Variants in SOS1 observed in about 807,000 individuals in gnomAD.
SOS1 encodes SOS Ras/Rac guanine nucleotide exchange factor 1, also known as son of sevenless homolog 1.
Under a neutral mutation model 157.6 loss-of-function variants are expected in SOS1, and 25 were observed. The observed-to-expected ratio is 0.16, with a 90% CI of 0.12 to 0.22. SOS1 has a LOEUF of 0.22. Among genes scored for constraint, SOS1 ranks in the 10% least tolerant of loss-of-function variants. The pLI, the probability that SOS1 is intolerant of heterozygous loss-of-function variation, is 1.00. For missense variants in SOS1, 1,237 were observed against 1,599.1 expected, an observed-to-expected ratio of 0.77 and a Z score of 3.86; for synonymous variants, 528 against 534.0, an observed-to-expected ratio of 0.99 and a Z score of 0.16.
At chr2:39,108,405 A>G (rs1200219225) in intron 1 of SOS1, among the ~76,000 whole-genome samples, 1 of 152,216 alleles carries the variant, frequency 6.6e-6, no homozygotes, top group Non-Finnish European at 1.5e-5. Flanking sequence ...CAATAATTTG[A>G]TTCACACGAT....
intron 8 of SOS1, among the ~76,000 whole-genome samples, chr2:39,030,267 GA>G (rs1670113052): frequency 1.5e-5 from 2 of 133,282 alleles, no homozygotes; most frequent in Admixed American, 7.3e-5. Flanking sequence ...AAAAGCGAAA[GA>G]GGGGGAAAGA....
In SOS1 at chr2:38,986,219, A is replaced by T. The variant is rs558665788; in HGVS notation, c.3607T>A (p.Ser1203Thr). The change falls in exon 23 of 23, where the codon TCT becomes ACT. Residue 1203 changes from serine (S) to threonine (T), a missense_variant. Around this residue, in one of 15 missense-constraint regions of SOS1, gnomAD observed 306 missense variants for 322.6 expected, o/e 0.95. Coordinates refer to ENST00000402219, the MANE Select transcript of SOS1 (RefSeq NM_005633.4). ...SPRYSISDRT[S>T]ISDPPESPPL... is the part of the protein sequence containing the mutation. ...GGGCTTTCAGGAGGGTCTGAGATAGAGGTCCGGTCTGATATTGAATATCGT... is the reference window on the plus strand; with the variant it reads ...GGGCTTTCAGGAGGGTCTGAGATAGTGGTCCGGTCTGATATTGAATATCGT... 6.2e-7 allele frequency: 1 copy of T among 1,613,884 alleles called. No individual in the cohort carries two copies. Among genetic ancestry groups the T allele is most frequent in the Admixed American group, 1.7e-5 (1 of 59,976 alleles).
At chr2:39,076,952 C>T (rs1259077654) in intron 1 of SOS1, among the ~76,000 whole-genome samples, 1 of 152,062 alleles carries the variant, frequency 6.6e-6, no homozygotes, top group Non-Finnish European at 1.5e-5. Context: ...TAGTTGCACT[C>T]CTACATAAGC....
chr2:39,028,557 AAGGCACTAACAGGCAGGTACT>A (rs1002390372), intron 8 of SOS1, among the ~76,000 whole-genome samples: 2 of 152,310 alleles, frequency 1.3e-5, no homozygotes, highest in Non-Finnish European at 2.9e-5. Context: ...CATTTACTTG[AAGGCACTAACAGGCAGGTACT>A]AGATCCACAA....
At chr2:39,036,739 A>AT (rs59918188) in intron 6 of SOS1, among the ~76,000 whole-genome samples, 5,163 of 150,394 alleles carry the variant, frequency 0.034, 260 homozygotes, top group African/African-American at 0.11. Context: ...ACGCCCGGCT[A>AT]TTTTTTTTTG....
chr2:39,124,685 C>G (rs985509263), upstream of SOS1, among the ~76,000 whole-genome samples: 6 of 152,276 alleles, frequency 3.9e-5, no homozygotes, highest in African/African-American at 1.4e-4. Flanking sequence ...AGAACTCACA[C>G]TGGCGTCCCA....
At chr2:39,022,530 G>GC (rs1445368430) in intron 10 of SOS1, 40 bp downstream of exon 10, 3 of 1,516,658 alleles carry the variant, frequency 2.0e-6, no homozygotes, top group Non-Finnish European at 2.7e-6. Flanking sequence ...TCAGTTTGAA[G>GC]CAGGAAAACA....
intron 3 of SOS1, among the ~76,000 whole-genome samples, chr2:39,058,289 T>A (rs1671285057): frequency 2.0e-5 from 3 of 151,998 alleles, no homozygotes; most frequent in Non-Finnish European, 4.4e-5. Flanking sequence ...CTTGTAGCCT[T>A]TTCACAGAGG....
Position 39,035,322 on chromosome 2 carries a change from AG to A in SOS1, c.976-13del. Reference sequence around the variant, plus strand: ...CCTTCGCCTATTGACTGGAAAAAAAAGTGATTTAATTTTTTTTTTAAGTTTA... The same window carrying A: ...CCTTCGCCTATTGACTGGAAAAAAAATGATTTAATTTTTTTTTTAAGTTTA... On this transcript the variant is annotated splice_polypyrimidine_tract_variant and intron_variant, in intron 7 of 22. Transcript: ENST00000402219. 6.2e-7 allele frequency: 1 copy of A among 1,611,362 alleles called. No homozygotes were observed. The highest frequency in any genetic ancestry group is 8.5e-7 in the Non-Finnish European group (1 of 1,177,474).
At chr2:39,026,030 A>G (rs1669949988) in intron 8 of SOS1, among the ~76,000 whole-genome samples, 1 of 152,182 alleles carries the variant, frequency 6.6e-6, no homozygotes, top group South Asian at 2.1e-4. Context: ...CTACATTTTT[A>G]GGAAAATTTT....
intron 2 of SOS1, among the ~76,000 whole-genome samples, chr2:39,059,300 G>C (rs773696937): frequency 3.9e-5 from 6 of 152,082 alleles, no homozygotes; most frequent in Non-Finnish European, 8.8e-5. Flanking sequence ...GTTTGCATTG[G>C]TGACAGCAAT....
At chr2:39,004,397 ACT>A (rs1669216541) in intron 17 of SOS1, among the ~76,000 whole-genome samples, 1 of 108,398 alleles carries the variant, frequency 9.2e-6, no homozygotes, top group African/African-American at 3.7e-5. Flanking sequence ...ACAGAGCAAG[ACT>A]CTGTGTCAAA....
intron 17 of SOS1, among the ~76,000 whole-genome samples, chr2:39,003,068 A>AAAAAAAAACAAAC (rs764781736): frequency 8.7e-6 from 1 of 115,032 alleles, no homozygotes; most frequent in African/African-American, 2.7e-5. Flanking sequence ...CCTTGTATCA[A>AAAAAAAAACAAAC]AAAAAAAAAA....
chr2:38,992,739 G>T (rs1168560665), intron 20 of SOS1: 1 of 152,116 alleles, frequency 6.6e-6, no homozygotes, highest in Non-Finnish European at 1.5e-5. Flanking sequence ...GCCTATAGCT[G>T]TCTGCTCTAG....
chr2:39,088,988 G>C (rs558654032), intron 1 of SOS1, among the ~76,000 whole-genome samples: 23 of 151,784 alleles, frequency 1.5e-4, no homozygotes, highest in Non-Finnish European at 2.8e-4. Context: ...TTCATTTTTG[G>C]TTTTTTATTT....
chr2:39,077,422 T>C (rs73934118), intron 1 of SOS1, among the ~76,000 whole-genome samples: 3,706 of 152,166 alleles, frequency 0.024, 187 homozygotes, highest in African/African-American at 0.085. Context: ...AGTACCATAA[T>C]ATCTCAAGAT....
Position 39,088,415 on chromosome 2 carries a change from T to C in SOS1, c.88-20662A>G, listed in dbSNP as rs192815673. On this transcript the variant is annotated intron_variant, in intron 1 of 22. Transcript: ENST00000402219. ...TGACATTGTTGTGCAACCATCACCA[T>C]TATCCATCTCCAGAACTTTTTCATC... Among the ~76,000 whole-genome samples, 210 of 151,466 alleles carry C rather than the reference T, an allele frequency of 1.4e-3. 1 individual carries two copies. Among genetic ancestry groups the C allele is most frequent in the African/African-American group, 4.7e-3 (192 of 41,216 alleles).
chr2:39,077,078 C>T (rs947070081), intron 1 of SOS1, among the ~76,000 whole-genome samples: 2 of 152,132 alleles, frequency 1.3e-5, no homozygotes, highest in African/African-American at 4.8e-5. Flanking sequence ...CACAGTGACT[C>T]ACGCCTGTAA....
chr2:39,115,878 G>C (rs1454273973), intron 1 of SOS1, among the ~76,000 whole-genome samples: 1 of 152,044 alleles, frequency 6.6e-6, no homozygotes, highest in Non-Finnish European at 1.5e-5. Flanking sequence ...ATAAGTCTTT[G>C]TATAAGCTTC....
Sources: gnomAD v4.1 joint callset for allele counts (sites outside exome capture counted in the v4.1 genomes callset) on GRCh38, gnomAD v4.1.1 for gene constraint, gnomAD v4.1.1 regional missense constraint, MANE v1.5 for transcripts, NCBI Gene and HGNC (gene_info 2026-07-23, HGNC 2026-07-21) for gene names.